The following ALDH2 variants were observed in gnomAD, a reference collection of about 807,000 sequenced individuals.
The protein encoded by ALDH2 is aldehyde dehydrogenase, mitochondrial.
In ALDH2, 44 loss-of-function variants were observed where a neutral mutation model predicts 59.6. That is an observed-to-expected ratio of 0.74 (90% CI 0.58 to 0.95). The LOEUF (loss-of-function observed/expected upper bound fraction) is 0.95, where lower values mean the gene tolerates loss of function less well. ALDH2 is among the 40% of genes least tolerant of loss of function. ALDH2 has a pLI of 0.00. For synonymous variants in ALDH2, 291 were observed against 284.0 expected (o/e 1.02, Z -0.25); for missense variants, 570 against 696.3 (o/e 0.82, Z 2.04).
chr12:111,807,592 A>G (rs1291937405), intron 12 of ALDH2, among the ~76,000 whole-genome samples: 1 of 152,146 alleles, frequency 6.6e-6, no homozygotes, highest in African/African-American at 2.4e-5. Flanking sequence ...ATCTAAGCTG[A>G]TATACCTGAA....
chr12:111,804,039 G>A, intron 12 of ALDH2, 66 bp downstream of exon 12: 1 of 1,224,992 alleles, frequency 8.2e-7, no homozygotes, highest in Non-Finnish European at 1.1e-6. Context: ...GTGGCTCGGA[G>A]CCTGCTGGGG....
At chr12:111,806,926 G>A (rs768095697) in intron 12 of ALDH2, among the ~76,000 whole-genome samples, 3 of 151,256 alleles carry the variant, frequency 2.0e-5, no homozygotes, top group East Asian at 1.9e-4. Flanking sequence ...CTGAGATCGC[G>A]CCACTGTACT....
chr12:111,790,668 G>T (rs1353831994), intron 6 of ALDH2, 106 bp downstream of exon 6: 1 of 1,465,370 alleles, frequency 6.8e-7, no homozygotes. Context: ...AGGTGTGTTT[G>T]TGGAGCCCCC....
At chr12:111,790,662 G>A (rs182021595) in intron 6 of ALDH2, 100 bp downstream of exon 6, 3 of 1,502,018 alleles carry the variant, frequency 2.0e-6, no homozygotes, top group Admixed American at 3.8e-5. Flanking sequence ...ACAGGGAGGT[G>A]TGTTTGTGGA....
At chr12:111,790,757 T>C (rs1176110298) in intron 6 of ALDH2, among the ~76,000 whole-genome samples, 195 bp downstream of exon 6, 1 of 152,046 alleles carries the variant, frequency 6.6e-6, no homozygotes, top group Non-Finnish European at 1.5e-5. Context: ...TTTGAAGAAT[T>C]AAAAATATTG....
chr12:111,779,623 A>T (rs931454164), intron 1 of ALDH2, among the ~76,000 whole-genome samples: 1 of 152,168 alleles, frequency 6.6e-6, no homozygotes, highest in African/African-American at 2.4e-5. Flanking sequence ...TGGATGTCTC[A>T]CTGGAGTTCT....
chr12:111,792,221 T>G (rs1593080109), intron 8 of ALDH2, 58 bp downstream of exon 8: 1 of 1,343,464 alleles, frequency 7.4e-7, no homozygotes, highest in Non-Finnish European at 1.0e-6. Context: ...ACCTGTGTTG[T>G]GGCTCCAGCC....
At position 111,812,227 on chromosome 12, in the gene ALDH2, G is replaced by A. The variant is rs1289297671; in HGVS notation, c.*2652G>A. The A allele has an allele frequency of 6.6e-6, 1 of 152,290 alleles. No individual in the cohort carries two copies. The highest frequency in any genetic ancestry group is 1.5e-5 in the Non-Finnish European group (1 of 68,110). 9.4% of individuals were successfully genotyped at this position (152,290 alleles called of 1,614,324 possible). On this transcript the variant is annotated 3_prime_UTR_variant, in exon 13 of 13. Transcript: ENST00000261733. ...AAGGCAGACTAGGAGCGTGACCACT[G>A]AAGCACAGCACCACAGGGAGACGGT...
intron 4 of ALDH2, among the ~76,000 whole-genome samples, chr12:111,788,607 G>A (rs1048766538): frequency 1.3e-5 from 2 of 152,208 alleles, no homozygotes; most frequent in African/African-American, 2.4e-5. Context: ...TGTAGACTGT[G>A]TTTGTATAGA....
chr12:111,789,216 A>G (rs1334367457), intron 4 of ALDH2, among the ~76,000 whole-genome samples: 1 of 151,128 alleles, frequency 6.6e-6, no homozygotes, highest in East Asian at 2.0e-4. Context: ...ACGGGGTTTC[A>G]CCACCTTGGC....
chr12:111,799,814 C>T lies in ALDH2; in HGVS notation c.1249-92C>T, dbSNP rs149377733. ...TTAGAGCATGGCTGGGGGCTTATCC[C>T]CCAATCTGGAATCATCTGTTCTGCT... On this transcript the variant is annotated intron_variant, in intron 10 of 12. Coordinates refer to ENST00000261733, the MANE Select transcript of ALDH2 (RefSeq NM_000690.4). The T allele has an allele frequency of 9.4e-4, 1,354 of 1,443,968 alleles. 10 individuals are homozygous for T. The African/African-American group carries it at 0.015, about 16-fold the overall frequency. 89.4% of individuals were successfully genotyped at this position (1,443,968 alleles called of 1,614,324 possible).
chr12:111,790,655 G>A lies in ALDH2; in HGVS notation c.681+93G>A, dbSNP rs573628945. On this transcript the variant is annotated intron_variant, in intron 6 of 12. Coordinates refer to ENST00000261733, the MANE Select transcript of ALDH2 (RefSeq NM_000690.4). ...GAAGGGTCTCAGGGGTCCCTAAACAGGGAGGTGTGTTTGTGGAGCCCCCAT... is the reference window on the plus strand; with the variant it reads ...GAAGGGTCTCAGGGGTCCCTAAACAAGGAGGTGTGTTTGTGGAGCCCCCAT... The A allele has an allele frequency of 2.6e-6, 4 of 1,540,470 alleles. No homozygotes were observed. The African/African-American group carries it at 5.5e-5, about 21-fold the overall frequency.
Position 111,807,285 on chromosome 12 carries a change from G to GA in ALDH2, c.1522-2247dup, listed in dbSNP as rs1434243616. ...CTCAAAAACAAAACAAAACAAAACG[G>GA]AAAAAAAAAAACAGTAGAATGAGCC... On this transcript the variant is annotated intron_variant, in intron 12 of 12. Coordinates refer to ENST00000261733, the MANE Select transcript of ALDH2 (RefSeq NM_000690.4). Among the ~76,000 whole-genome samples, 344 of 142,598 alleles carry GA rather than the reference G, an allele frequency of 2.4e-3. 1 individual carries two copies. Among genetic ancestry groups the GA allele is most frequent in the African/African-American group, 5.4e-3 (210 of 39,152 alleles). The allele number at this position is 142,598 out of a possible 152,430, so 93.5% of individuals were successfully genotyped here.
intron 4 of ALDH2, among the ~76,000 whole-genome samples, chr12:111,789,142 C>T (rs1165243184): frequency 2.8e-4 from 42 of 150,390 alleles, no homozygotes; most frequent in Admixed American, 2.7e-3. Context: ...CTCAGCCTCC[C>T]GAGGTGCTGG....
chr12:111,767,140 T>C, intron 1 of ALDH2, 44 bp downstream of exon 1: 1 of 1,407,752 alleles, frequency 7.1e-7, no homozygotes, highest in Non-Finnish European at 9.3e-7. Context: ...CCGGCCCGAG[T>C]CCCCCGCAGG....
In ALDH2 at chr12:111,813,588, G is replaced by A. The variant is rs1390767492; in HGVS notation, c.*4013G>A. 4.6e-5 allele frequency: 7 copies of A among 152,212 alleles called. No individual in the cohort carries two copies. The highest frequency in any genetic ancestry group is 3.3e-4 in the Admixed American group (5 of 15,266). 9.4% of individuals were successfully genotyped at this position (152,212 alleles called of 1,614,324 possible). On this transcript the variant is annotated 3_prime_UTR_variant, in exon 13 of 13. Transcript: ENST00000261733. ...ATATCAGTCAATAGATGAATGGACA[G>A]ACAAAATGTGACATATCCATGCAGT...
At chr12:111,799,317 C>T (rs2068429753) in intron 10 of ALDH2, among the ~76,000 whole-genome samples, 1 of 151,764 alleles carries the variant, frequency 6.6e-6, no homozygotes, top group Admixed American at 6.6e-5. Context: ...AGGCGCACAC[C>T]ACCACGCCCA....
chr12:111,774,727 G>T (rs2068223018), intron 1 of ALDH2, among the ~76,000 whole-genome samples: 1 of 152,072 alleles, frequency 6.6e-6, no homozygotes, highest in African/African-American at 2.4e-5. Flanking sequence ...TCTGGGGGTG[G>T]TGGCCAGAAT....
rs555198441 is a variant in ALDH2, at chr12:111,773,745, G to A, written c.114+6649G>A. On this transcript the variant is annotated intron_variant, in intron 1 of 12. Transcript: ENST00000261733. Reference sequence around the variant, plus strand: ...ATTAATAAACATTTAAGGGACAATTGAATAGAATTTTAAAATCAGAGAGGA... The same window carrying A: ...ATTAATAAACATTTAAGGGACAATTAAATAGAATTTTAAAATCAGAGAGGA... 2.6e-5 allele frequency among the ~76,000 whole-genome samples: 4 copies of A among 152,334 alleles called. No individual in the cohort carries two copies. In the East Asian group the frequency reaches 5.8e-4, roughly 22 times the overall value.
Sources: gnomAD v4.1 joint callset for allele counts (sites outside exome capture counted in the v4.1 genomes callset) on GRCh38, gnomAD v4.1.1 for gene constraint, MANE v1.5 for transcripts, NCBI Gene and HGNC (gene_info 2026-07-23, HGNC 2026-07-21) for gene names.